GALNTL6: variants seen among roughly 807,000 people sequenced by gnomAD.
The protein encoded by GALNTL6 is polypeptide N-acetylgalactosaminyltransferase like 6, also known as polypeptide N-acetylgalactosaminyltransferase-like 6.
GALNTL6 carries 46 observed loss-of-function variants against 73.7 expected under a neutral mutation model. That is an observed-to-expected ratio of 0.62 (90% confidence interval 0.49 to 0.80). The LOEUF (loss-of-function observed/expected upper bound fraction) is 0.80. Among genes scored for constraint, GALNTL6 ranks in the 30% least tolerant of loss-of-function variants. The pLI is 0.00. For missense variants in GALNTL6, 604 were observed against 755.0 expected, an observed-to-expected ratio of 0.80 and a Z score of 2.34; for synonymous variants, 259 against 263.7, an observed-to-expected ratio of 0.98 and a Z score of 0.17.
chr4:172,906,673 GTCTTGCTGGCTGTCA>G (rs1309733278), intron 8 of GALNTL6, among the ~76,000 whole-genome samples: 3 of 152,322 alleles, frequency 2.0e-5, no homozygotes, highest in African/African-American at 7.2e-5. Flanking sequence ...AGCCCCCATT[GTCTTGCTGGCTGTCA>G]TCTGGAGATC....
At chr4:172,422,646 A>G (rs1731091058) in intron 5 of GALNTL6, among the ~76,000 whole-genome samples, 1 of 151,920 alleles carries the variant, frequency 6.6e-6, no homozygotes, top group African/African-American at 2.4e-5. Flanking sequence ...TGTCTAGCTC[A>G]GATCTTCTCC....
intron 5 of GALNTL6, among the ~76,000 whole-genome samples, chr4:172,524,898 T>C (rs958994104): frequency 1.3e-5 from 2 of 152,242 alleles, no homozygotes; most frequent in Non-Finnish European, 2.9e-5. Context: ...TGTTATGCTT[T>C]ATAAGCTTTC....
At chr4:171,981,107 G>T (rs1739885032) in intron 2 of GALNTL6, among the ~76,000 whole-genome samples, 2 of 152,194 alleles carry the variant, frequency 1.3e-5, no homozygotes, top group African/African-American at 4.8e-5. Flanking sequence ...GGGTCTTGAG[G>T]ACATGCACCC....
At position 172,526,568 on chromosome 4, in the gene GALNTL6, TGTTA is replaced by T. The variant is rs556192286; in HGVS notation, c.553+177882_553+177885del. On this transcript the variant is annotated intron_variant, in intron 5 of 12. Transcript: ENST00000506823. ...TTCACATAAAAGTATTAGCTAAGCC[TGTTA>T]GTATTTCTTTAGTGGTTTTTAATCT... Among the ~76,000 whole-genome samples, 25 of 152,322 alleles carry T rather than the reference TGTTA, an allele frequency of 1.6e-4. No homozygotes were observed. In the East Asian group the frequency reaches 4.4e-3, roughly 27 times the overall value.
At chr4:172,252,511 A>G (rs1163251778) in intron 3 of GALNTL6, among the ~76,000 whole-genome samples, 2 of 152,098 alleles carry the variant, frequency 1.3e-5, no homozygotes, top group Non-Finnish European at 2.9e-5. Context: ...ATTTTTTTGA[A>G]TTGTGGGCTG....
intron 5 of GALNTL6, among the ~76,000 whole-genome samples, chr4:172,584,479 G>C (rs1241112011): frequency 6.6e-6 from 1 of 152,184 alleles, no homozygotes; most frequent in Middle Eastern, 3.2e-3. Flanking sequence ...TGGGCAATGA[G>C]AGACACTAAG....
At chr4:172,908,709 A>G (rs937746845) in intron 8 of GALNTL6, among the ~76,000 whole-genome samples, 2 of 151,772 alleles carry the variant, frequency 1.3e-5, no homozygotes, top group Non-Finnish European at 2.9e-5. Context: ...ATGAAAAGAA[A>G]AAAACAATTT....
chr4:172,064,279 A>G (rs1466047928), intron 2 of GALNTL6, among the ~76,000 whole-genome samples: 6 of 152,196 alleles, frequency 3.9e-5, no homozygotes, highest in African/African-American at 1.4e-4. Flanking sequence ...GTTTAAAGAC[A>G]GTGACAATCA....
chr4:172,852,696 A>G (rs1300095146), intron 7 of GALNTL6, among the ~76,000 whole-genome samples: 2 of 152,116 alleles, frequency 1.3e-5, no homozygotes, highest in Non-Finnish European at 2.9e-5. Context: ...TAATGTGTTT[A>G]TATACATAGG....
chr4:172,465,697 A>G (rs940561028), intron 5 of GALNTL6, among the ~76,000 whole-genome samples: 4 of 152,198 alleles, frequency 2.6e-5, no homozygotes, highest in Non-Finnish European at 5.9e-5. Flanking sequence ...TTCCATATGC[A>G]AATAATCTTA....
intron 5 of GALNTL6, among the ~76,000 whole-genome samples, chr4:172,758,597 C>T (rs565046248): frequency 1.3e-5 from 2 of 152,284 alleles, no homozygotes; most frequent in South Asian, 4.1e-4. Context: ...ATCAGTATAT[C>T]TAAATTTGTT....
chr4:172,087,155 G>C (rs1732059534), intron 2 of GALNTL6, among the ~76,000 whole-genome samples: 1 of 152,040 alleles, frequency 6.6e-6, no homozygotes, highest in African/African-American at 2.4e-5. Context: ...ATACAACATA[G>C]AGCACTGGCC....
intron 5 of GALNTL6, among the ~76,000 whole-genome samples, chr4:172,448,568 T>G (rs914128557): frequency 2.6e-5 from 4 of 152,192 alleles, no homozygotes; most frequent in African/African-American, 4.8e-5. Flanking sequence ...AAAAAAGTTC[T>G]GGGAAACCAA....
intron 2 of GALNTL6, among the ~76,000 whole-genome samples, chr4:171,986,690 T>C (rs1370621440): frequency 1.3e-5 from 2 of 152,026 alleles, no homozygotes; most frequent in Admixed American, 6.5e-5. Flanking sequence ...GAAACATTTA[T>C]TGTGTAGAAT....
chr4:171,888,012 CT>C (rs149501328), intron 2 of GALNTL6, among the ~76,000 whole-genome samples: 37,080 of 151,858 alleles, frequency 0.24, 4,748 homozygotes, highest in Middle Eastern at 0.35. Flanking sequence ...AATGTTTAGT[CT>C]TTTTGTTTAT....
chr4:171,814,703 G>T lies in GALNTL6; in HGVS notation c.123G>T (p.Glu41Asp). The change falls in exon 2 of 13, where the codon GAG (glutamate) becomes GAT (aspartate). Residue 41 changes from glutamate to aspartate, a missense_variant. Physicochemically the swap from Glu to Asp is conservative, Grantham distance 45. Coordinates refer to ENST00000506823, the MANE Select transcript of GALNTL6 (RefSeq NM_001034845.3). ...ATAAGCACCTGGTGAAGTCAGCGGA[G>T]CCCGGGGAGCAGCAGGTAAGTGCCA... ...YKDKHLVKSA[E>D]PGEQQTFPLG... 1 of 1,613,998 alleles carries T rather than the reference G, an allele frequency of 6.2e-7. No homozygotes were observed.
chr4:172,463,059 G>T (rs1046820533), intron 5 of GALNTL6, among the ~76,000 whole-genome samples: 3 of 152,044 alleles, frequency 2.0e-5, no homozygotes, highest in Non-Finnish European at 4.4e-5. Context: ...ACCTGATTTG[G>T]TTACCATCAG....
intron 2 of GALNTL6, among the ~76,000 whole-genome samples, chr4:172,089,893 G>A (rs1329590240): frequency 6.6e-6 from 1 of 151,908 alleles, no homozygotes; most frequent in African/African-American, 2.4e-5. Context: ...AATGTTCCCC[G>A]CCCTGTGTCC....
chr4:172,349,828 A>AT lies in GALNTL6; in HGVS notation c.553+1139_553+1140insT, dbSNP rs879487555. 2.1e-3 allele frequency among the ~76,000 whole-genome samples: 88 copies of AT among 41,564 alleles called. 1 individual carries two copies. Among genetic ancestry groups the AT allele is most frequent in the African/African-American group, 5.0e-3 (70 of 14,088 alleles). The allele number at this position is 41,564 out of a possible 152,430, so 27.3% of individuals were successfully genotyped here. On this transcript the variant is annotated intron_variant, in intron 5 of 12. Coordinates refer to ENST00000506823, the MANE Select transcript of GALNTL6 (RefSeq NM_001034845.3). ...GCGAGACTTCGTCTCAAATTAAAAAAAAATATATATATATATATTTTTTTT... is the reference window on the plus strand; with the variant it reads ...GCGAGACTTCGTCTCAAATTAAAAAATAAATATATATATATATATTTTTTTT...
Sources: gnomAD v4.1 joint callset for allele counts (sites outside exome capture counted in the v4.1 genomes callset) on GRCh38, gnomAD v4.1.1 for gene constraint, MANE v1.5 for transcripts, NCBI Gene and HGNC (gene_info 2026-07-23, HGNC 2026-07-21) for gene names.